The following AGBL1 variants were observed in gnomAD, a reference collection of about 807,000 sequenced individuals.
The protein encoded by AGBL1 is AGBL carboxypeptidase 1.
A neutral mutation model predicts 118.9 loss-of-function variants in AGBL1; 130 were observed. That is an observed-to-expected ratio of 1.09 (90% CI 0.95 to 1.26). The LOEUF (loss-of-function observed/expected upper bound fraction) is 1.26, where lower values mean the gene tolerates loss of function less well. AGBL1 is among the 50% of genes most tolerant of loss of function. AGBL1 has a pLI of 0.00. For missense variants in AGBL1, 1,584 were observed against 1,298.1 expected, an observed-to-expected ratio of 1.22 and a Z score of -3.38; for synonymous variants, 555 against 478.9, an observed-to-expected ratio of 1.16 and a Z score of -2.08.
intron 21 of AGBL1, among the ~76,000 whole-genome samples, chr15:86,602,345 G>A (rs1246848418): frequency 6.6e-6 from 1 of 152,170 alleles, no homozygotes; most frequent in Non-Finnish European, 1.5e-5. Flanking sequence ...TACATTGAGA[G>A]ATTAACTACT....
At chr15:86,411,026 T>C (rs952292391) in intron 18 of AGBL1, among the ~76,000 whole-genome samples, 1 of 147,484 alleles carries the variant, frequency 6.8e-6, no homozygotes, top group Non-Finnish European at 1.5e-5. Flanking sequence ...CTGAATAGGT[T>C]GTACAAAAAA....
intron 23 of AGBL1, among the ~76,000 whole-genome samples, chr15:86,943,218 A>G (rs2080776724): frequency 6.6e-6 from 1 of 152,190 alleles, no homozygotes; most frequent in Non-Finnish European, 1.5e-5. Context: ...GAAACTACCT[A>G]TCTGGAACAC....
intron 19 of AGBL1, among the ~76,000 whole-genome samples, chr15:86,534,607 G>T (rs2083398463): frequency 6.6e-6 from 1 of 152,062 alleles, no homozygotes; most frequent in South Asian, 2.1e-4. Context: ...TCTTTTGTTT[G>T]TTAGAGAGTC....
intron 22 of AGBL1, among the ~76,000 whole-genome samples, chr15:86,744,241 G>GA (rs1449999660): frequency 1.3e-5 from 2 of 152,188 alleles, no homozygotes; most frequent in Non-Finnish European, 2.9e-5. Context: ...AGTGGAAATG[G>GA]AAACTAAGGA....
chr15:87,021,073 G>A (rs918920125), intron 24 of AGBL1, among the ~76,000 whole-genome samples: 3 of 152,106 alleles, frequency 2.0e-5, no homozygotes, highest in Non-Finnish European at 4.4e-5. Flanking sequence ...CAAAGCTGGA[G>A]GCATCACACT....
intron 1 of AGBL1, among the ~76,000 whole-genome samples, chr15:86,084,833 T>TATCC (rs770780218): frequency 2.7e-4 from 41 of 152,316 alleles, no homozygotes; most frequent in African/African-American, 7.2e-4. Context: ...CCCATTCATT[T>TATCC]ATCCATCCAT....
chr15:86,984,549 A>G (rs1259651009), intron 23 of AGBL1, among the ~76,000 whole-genome samples: 2 of 151,874 alleles, frequency 1.3e-5, no homozygotes, highest in South Asian at 2.1e-4. Context: ...TATTTTTAGT[A>G]GAGACAGGGT....
At chr15:86,713,546 A>C (rs1009975729) in intron 22 of AGBL1, among the ~76,000 whole-genome samples, 5 of 152,194 alleles carry the variant, frequency 3.3e-5, no homozygotes, top group Non-Finnish European at 5.9e-5. Context: ...GGTTGTGGAA[A>C]TTAAAGTATA....
intron 22 of AGBL1, among the ~76,000 whole-genome samples, chr15:86,846,300 G>A (rs909240418): frequency 6.6e-6 from 1 of 152,082 alleles, no homozygotes; most frequent in Non-Finnish European, 1.5e-5. Context: ...TTGTGTGATC[G>A]TTTTGCTTTC....
chr15:86,506,160 T>C (rs1307826553), intron 18 of AGBL1, among the ~76,000 whole-genome samples: 4 of 152,086 alleles, frequency 2.6e-5, no homozygotes. Flanking sequence ...TCTTCTTTAA[T>C]CTTCACTTCC....
intron 22 of AGBL1, among the ~76,000 whole-genome samples, chr15:86,707,526 A>T (rs1257308282): frequency 6.6e-6 from 1 of 152,164 alleles, no homozygotes; most frequent in African/African-American, 2.4e-5. Context: ...TTCTAAAGAT[A>T]CTACATTGTA....
At chr15:86,541,348 A>G (rs1201186701) in intron 19 of AGBL1, among the ~76,000 whole-genome samples, 1 of 152,136 alleles carries the variant, frequency 6.6e-6, no homozygotes, top group East Asian at 1.9e-4. Flanking sequence ...AGTCTGCTTT[A>G]ACAAGACCTC....
intron 22 of AGBL1, among the ~76,000 whole-genome samples, chr15:86,812,848 G>A (rs571092359): frequency 2.0e-4 from 30 of 152,126 alleles, no homozygotes; most frequent in African/African-American, 6.5e-4. Context: ...AAAGGTATGC[G>A]TGGCAGGTAA....
chr15:86,176,930 A>G (rs1392203835), intron 5 of AGBL1, among the ~76,000 whole-genome samples: 2 of 152,076 alleles, frequency 1.3e-5, no homozygotes, highest in African/African-American at 4.8e-5. Flanking sequence ...GTTTCTTCTG[A>G]CACAGAGCTG....
At chr15:86,153,237 A>G (rs2077140030) in intron 3 of AGBL1, among the ~76,000 whole-genome samples, 1 of 152,242 alleles carries the variant, frequency 6.6e-6, no homozygotes, top group Non-Finnish European at 1.5e-5. Flanking sequence ...CACTATTCAC[A>G]AAAGCAAAGA....
At chr15:86,341,293 A>G (rs577138503) in intron 17 of AGBL1, among the ~76,000 whole-genome samples, 2 of 152,282 alleles carry the variant, frequency 1.3e-5, no homozygotes, top group Non-Finnish European at 2.9e-5. Context: ...TAGACAGAGC[A>G]GGCTTTTATG....
chr15:86,602,603 A>G (rs566656519), intron 21 of AGBL1, among the ~76,000 whole-genome samples: 7 of 152,280 alleles, frequency 4.6e-5, no homozygotes, highest in African/African-American at 1.7e-4. Context: ...AAAAATACCC[A>G]GCTAGTGAGG....
intron 18 of AGBL1, among the ~76,000 whole-genome samples, chr15:86,504,821 C>A (rs1309727834): frequency 6.6e-6 from 1 of 151,602 alleles, no homozygotes; most frequent in East Asian, 1.9e-4. Flanking sequence ...ATTAAAAATA[C>A]AATGCCTTTT....
intron 20 of AGBL1, among the ~76,000 whole-genome samples, chr15:86,546,744 A>G (rs1158468639): frequency 6.6e-6 from 1 of 152,170 alleles, no homozygotes; most frequent in Non-Finnish European, 1.5e-5. Flanking sequence ...ATGAAACCAC[A>G]TAGGAAATTA....
Sources: allele counts gnomAD v4.1 joint callset (sites outside exome capture counted in the v4.1 genomes callset), GRCh38; gene constraint gnomAD v4.1.1; transcripts MANE v1.5; gene names NCBI Gene and HGNC (gene_info 2026-07-23, HGNC 2026-07-21).